RBM39: variants seen among roughly 807,000 people sequenced by gnomAD.
The protein encoded by RBM39 is RNA-binding protein 39.
RBM39 carries 12 observed loss-of-function variants against 79.6 expected under a neutral mutation model. The ratio of observed to expected loss-of-function variants is 0.15; its 90% CI spans 0.10 to 0.24. The LOEUF (loss-of-function observed/expected upper bound fraction) is 0.24. Ranked by LOEUF, RBM39 falls within the 10% of genes least tolerant of loss-of-function variation. RBM39 has a pLI of 1.00. For missense variants in RBM39, 243 were observed against 653.4 expected (o/e 0.37, Z 6.85); for synonymous variants, 185 against 208.4 (o/e 0.89, Z 0.97).
chr20:35,716,156 C>T (rs2037103946), intron 10 of RBM39, among the ~76,000 whole-genome samples: 1 of 152,042 alleles, frequency 6.6e-6, no homozygotes, highest in Admixed American at 6.6e-5. Flanking sequence ...TCACTGCAAT[C>T]TCCATATCCT....
At chr20:35,735,666 A>G (rs2039827801) in intron 3 of RBM39, among the ~76,000 whole-genome samples, 1 of 152,256 alleles carries the variant, frequency 6.6e-6, no homozygotes, top group African/African-American at 2.4e-5. Context: ...TCTTCCAGGT[A>G]ACTTTAAAAT....
intron 9 of RBM39, among the ~76,000 whole-genome samples, chr20:35,717,217 T>A (rs116276294): frequency 6.7e-6 from 1 of 149,776 alleles, no homozygotes; most frequent in South Asian, 2.1e-4. Context: ...GAGGCAGAGG[T>A]TGCAATGACC....
chr20:35,718,365 G>A (rs1217262094), intron 9 of RBM39, among the ~76,000 whole-genome samples: 8 of 151,966 alleles, frequency 5.3e-5, no homozygotes, highest in Non-Finnish European at 1.2e-4. Context: ...AGATATTCTA[G>A]GAGCATTAGC....
chr20:35,704,433 T>C lies in RBM39; in HGVS notation c.*48A>G, dbSNP rs367931018. 2 of 1,309,280 alleles carry C rather than the reference T, an allele frequency of 1.5e-6. No homozygotes were observed. Among genetic ancestry groups the C allele is most frequent in the African/African-American group, 3.0e-5 (2 of 67,052 alleles). The allele number at this position is 1,309,280 out of a possible 1,614,324, so 81.1% of individuals were successfully genotyped here. On this transcript the variant is annotated 3_prime_UTR_variant, in exon 17 of 17. Transcript: ENST00000253363. The stretch of plus-strand genomic sequence containing the variant: ...TAAATAAAAGATAACTCAAGATGAA[T>C]TCTCAAGAAAGAAAAAAAGCTATAT...
At chr20:35,725,206 A>T in intron 6 of RBM39, 51 bp from the exon 7 acceptor site, 1 of 1,263,956 alleles carries the variant, frequency 7.9e-7, no homozygotes, top group Non-Finnish European at 1.1e-6. Flanking sequence ...TTTTAAAATA[A>T]TTTTTATCTT....
intron 3 of RBM39, among the ~76,000 whole-genome samples, chr20:35,738,356 G>A (rs963500538): frequency 6.6e-6 from 1 of 152,106 alleles, no homozygotes; most frequent in Admixed American, 6.6e-5. Flanking sequence ...CTATAGCAGA[G>A]TTCTATTGAG....
intron 9 of RBM39, among the ~76,000 whole-genome samples, chr20:35,720,203 T>C (rs1307668221): frequency 6.6e-6 from 1 of 152,210 alleles, no homozygotes; most frequent in Non-Finnish European, 1.5e-5. Flanking sequence ...GACAGGACAG[T>C]CTTGGCAACT....
At chr20:35,706,167 T>C (rs903205272) in intron 14 of RBM39, among the ~76,000 whole-genome samples, 3 of 152,082 alleles carry the variant, frequency 2.0e-5, no homozygotes, top group Non-Finnish European at 4.4e-5. Flanking sequence ...GGCAAAACCC[T>C]GTCTCTACTA....
intron 10 of RBM39, among the ~76,000 whole-genome samples, chr20:35,715,032 G>A (rs1388408954): frequency 6.6e-6 from 1 of 152,164 alleles, no homozygotes; most frequent in Non-Finnish European, 1.5e-5. Context: ...ACAGCCTAAT[G>A]ACCAGTAAGT....
intron 3 of RBM39, among the ~76,000 whole-genome samples, chr20:35,737,264 C>T (rs1053475955): frequency 2.0e-5 from 3 of 151,832 alleles, no homozygotes; most frequent in African/African-American, 4.8e-5. Flanking sequence ...GTGGCAGGCA[C>T]CTGTAATCCC....
chr20:35,741,024 ATTTTTC>A (rs1246339134), intron 1 of RBM39, 137 bp from the exon 2 acceptor site: 2 of 76,918 alleles, frequency 2.6e-5, no homozygotes, highest in South Asian at 2.0e-4. Context: ...GTGAGTAAAC[ATTTTTC>A]TTTTTTTTTT....
intron 3 of RBM39, among the ~76,000 whole-genome samples, chr20:35,738,232 C>G (rs908081843): frequency 1.3e-5 from 2 of 151,918 alleles, no homozygotes; most frequent in Non-Finnish European, 2.9e-5. Flanking sequence ...TGCGCCACTG[C>G]GCTCCAGCCT....
chr20:35,734,852 A>G, intron 3 of RBM39: 1 of 1,448,420 alleles, frequency 6.9e-7, no homozygotes, highest in Non-Finnish European at 9.1e-7. Context: ...TAACTAAAGA[A>G]GGGTTATCGA....
rs752966346 is a variant in RBM39 at position 35,704,798 on chromosome 20, C to T, written c.1414-52G>A. On this transcript the variant is annotated intron_variant, in intron 15 of 16. Coordinates refer to ENST00000253363, the MANE Select transcript of RBM39 (RefSeq NM_184234.3). ...AAGATGTTGCTGTATGCAAAATGGACCCAAGTTATGTTTATTCAAGTTGCC... is the reference window on the plus strand; with the variant it reads ...AAGATGTTGCTGTATGCAAAATGGATCCAAGTTATGTTTATTCAAGTTGCC... The T allele has an allele frequency of 9.9e-6, 15 of 1,515,558 alleles. No homozygotes were observed. The Admixed American group carries it at 1.9e-4, about 20-fold the overall frequency. 93.9% of individuals were successfully genotyped at this position (1,515,558 alleles called of 1,614,324 possible). A position where few individuals can be genotyped will look rare whatever the true frequency, so the allele number is the denominator to read the frequency against.
intron 8 of RBM39, among the ~76,000 whole-genome samples, chr20:35,723,357 T>C (rs996718793): frequency 2.6e-5 from 4 of 152,184 alleles, no homozygotes; most frequent in Admixed American, 2.0e-4. Context: ...CCTCACTTAA[T>C]ATGCTACTTC....
chr20:35,739,534 T>A (rs1464631429), intron 2 of RBM39: 5 of 471,018 alleles, frequency 1.1e-5, no homozygotes, highest in Non-Finnish European at 2.2e-5. Flanking sequence ...GCCACCTCTG[T>A]CACACATCTC....
intron 3 of RBM39, chr20:35,735,107 A>G: frequency 6.6e-7 from 1 of 1,510,664 alleles, no homozygotes; most frequent in Non-Finnish European, 8.8e-7. Flanking sequence ...AAAAATAGAA[A>G]AGTCATTTAT....
intron 3 of RBM39, among the ~76,000 whole-genome samples, chr20:35,738,703 A>C (rs1444921037): frequency 6.6e-6 from 1 of 152,214 alleles, no homozygotes; most frequent in Non-Finnish European, 1.5e-5. Flanking sequence ...TTAAAACAAG[A>C]CAACCTCTAA....
chr20:35,709,348 GACT>G, intron 12 of RBM39, 74 bp from the exon 13 acceptor site: 1 of 1,260,212 alleles, frequency 7.9e-7, no homozygotes, highest in South Asian at 1.3e-5. Context: ...AATAAAAGAG[GACT>G]ACAATAGCAG....
Sources: gnomAD v4.1 joint callset for allele counts (sites outside exome capture counted in the v4.1 genomes callset) on GRCh38, gnomAD v4.1.1 for gene constraint, MANE v1.5 for transcripts, NCBI Gene and HGNC (gene_info 2026-07-23, HGNC 2026-07-21) for gene names.